Variants in SYT1 observed in about 807,000 individuals in gnomAD.
The protein encoded by SYT1 is synaptotagmin-1.
A neutral mutation model predicts 44.8 loss-of-function variants in SYT1; 8 were observed. The observed-to-expected ratio is 0.18, with a 90% CI of 0.10 to 0.32. The LOEUF (loss-of-function observed/expected upper bound fraction) is 0.32, where lower values mean the gene tolerates loss of function less well. SYT1 is among the 10% of genes least tolerant of loss of function. The pLI, the probability that SYT1 is intolerant of heterozygous loss-of-function variation, is 1.00. For synonymous variants in SYT1, 154 were observed against 188.8 expected, an observed-to-expected ratio of 0.82 and a Z score of 1.51; for missense variants, 286 against 509.3, an observed-to-expected ratio of 0.56 and a Z score of 4.22.
In SYT1 at chr12:78,950,151, G is replaced by A. The variant is rs193147154; in HGVS notation, c.-216-27648G>A. ...CAGACTTTTGGTAGTGCATGAATAT[G>A]TATTTTTGCATTAATGACATTTTCC... On this transcript the variant is annotated intron_variant, in intron 1 of 10. Transcript: ENST00000261205. Among the ~76,000 whole-genome samples the A allele has an allele frequency of 1.3e-3, 203 of 152,086 alleles. 2 individuals carry two copies. Among genetic ancestry groups the A allele is most frequent in the African/African-American group, 4.7e-3 (194 of 41,542 alleles).
intron 2 of SYT1, among the ~76,000 whole-genome samples, chr12:78,994,024 C>T (rs17046168): frequency 0.088 from 13,475 of 152,268 alleles, 766 homozygotes; most frequent in African/African-American, 0.15. Context: ...CCATTGCCTA[C>T]AAAGTGACCC....
intron 8 of SYT1, among the ~76,000 whole-genome samples, chr12:79,326,241 AGAGGCCTGT>A (rs1325004719): frequency 3.3e-5 from 5 of 152,356 alleles, no homozygotes; most frequent in Admixed American, 1.3e-4. Flanking sequence ...ATTCACTCAG[AGAGGCCTGT>A]GACAAGCTAT....
At chr12:79,242,519 A>C (rs1404078447) in intron 4 of SYT1, among the ~76,000 whole-genome samples, 1 of 152,208 alleles carries the variant, frequency 6.6e-6, no homozygotes. Flanking sequence ...GCACCTAGTA[A>C]TATACAGAAA....
chr12:79,359,619 A>G (rs1346454110), intron 9 of SYT1, among the ~76,000 whole-genome samples: 1 of 152,126 alleles, frequency 6.6e-6, no homozygotes, highest in Non-Finnish European at 1.5e-5. Flanking sequence ...CCATCACTAT[A>G]TGTCACACTG....
At chr12:78,985,593 C>T (rs867257489) in intron 2 of SYT1, among the ~76,000 whole-genome samples, 1 of 151,562 alleles carries the variant, frequency 6.6e-6, no homozygotes, top group South Asian at 2.1e-4. Context: ...TGTTAATGGG[C>T]ACATTCCAAG....
At chr12:79,318,836 A>G (rs887030129) in intron 8 of SYT1, among the ~76,000 whole-genome samples, 8 of 152,252 alleles carry the variant, frequency 5.3e-5, no homozygotes, top group African/African-American at 1.7e-4. Flanking sequence ...CTCAGTGTCA[A>G]AAAACAAAAA....
At chr12:79,131,457 A>G (rs1868816666) in intron 3 of SYT1, among the ~76,000 whole-genome samples, 1 of 152,146 alleles carries the variant, frequency 6.6e-6, no homozygotes, top group African/African-American at 2.4e-5. Flanking sequence ...AAAATATTAC[A>G]TATGGGAAGC....
At chr12:79,041,789 A>G (rs1251985041) in intron 2 of SYT1, among the ~76,000 whole-genome samples, 2 of 151,140 alleles carry the variant, frequency 1.3e-5, no homozygotes, top group African/African-American at 4.9e-5. Flanking sequence ...ATTATTTTGA[A>G]ATACGTCCCA....
chr12:79,135,052 T>C (rs1474068805), intron 3 of SYT1, among the ~76,000 whole-genome samples: 1 of 152,072 alleles, frequency 6.6e-6, no homozygotes, highest in Non-Finnish European at 1.5e-5. Flanking sequence ...GGTAATTATT[T>C]CACTATATAT....
chr12:78,920,000 A>G (rs1486737447), intron 1 of SYT1, among the ~76,000 whole-genome samples: 1 of 146,654 alleles, frequency 6.8e-6, no homozygotes, highest in Non-Finnish European at 1.5e-5. Flanking sequence ...TAGTAGCAAT[A>G]TATTGTAGAG....
At chr12:79,274,351 C>G (rs1878596491) in intron 4 of SYT1, among the ~76,000 whole-genome samples, 1 of 152,180 alleles carries the variant, frequency 6.6e-6, no homozygotes, top group Admixed American at 6.5e-5. Context: ...CTGGCAGTTA[C>G]AGCTTTCTTC....
chr12:79,440,759 G>A (rs181050796), intron 9 of SYT1, among the ~76,000 whole-genome samples: 1 of 152,134 alleles, frequency 6.6e-6, no homozygotes, highest in Non-Finnish European at 1.5e-5. Flanking sequence ...TTTTGTAGGA[G>A]AGGTAATCTT....
intron 4 of SYT1, among the ~76,000 whole-genome samples, chr12:79,258,323 GGAAA>G (rs1050391819): frequency 6.6e-6 from 1 of 152,140 alleles, no homozygotes; most frequent in African/African-American, 2.4e-5. Flanking sequence ...ACAGTTCAAA[GGAAA>G]GAGAGTACCA....
At chr12:79,194,690 CTTAAA>C (rs368431991) in intron 3 of SYT1, among the ~76,000 whole-genome samples, 2 of 152,148 alleles carry the variant, frequency 1.3e-5, no homozygotes, top group Non-Finnish European at 2.9e-5. Context: ...ATATATATAT[CTTAAA>C]TTAATTTGTG....
At chr12:79,179,008 A>ATATATC (rs1491226431) in intron 3 of SYT1, among the ~76,000 whole-genome samples, 423 of 16,988 alleles carry the variant, frequency 0.025, 86 homozygotes, top group African/African-American at 0.056. Context: ...ATAGATATAG[A>ATATATC]TATATAGATA....
At chr12:79,385,749 T>TG (rs71091663) in intron 9 of SYT1, among the ~76,000 whole-genome samples, 34 of 149,620 alleles carry the variant, frequency 2.3e-4, no homozygotes, top group Admixed American at 1.6e-3. Context: ...TTGTTGTTGT[T>TG]TTTTAATTCA....
chr12:79,104,266 T>C (rs1320359640), intron 3 of SYT1, among the ~76,000 whole-genome samples: 2 of 151,946 alleles, frequency 1.3e-5, no homozygotes, highest in Non-Finnish European at 2.9e-5. Context: ...GTGAAAACTG[T>C]AGAAAGTATA....
intron 1 of SYT1, among the ~76,000 whole-genome samples, chr12:78,913,316 C>T (rs148739789): frequency 1.3e-5 from 2 of 151,364 alleles, no homozygotes; most frequent in African/African-American, 4.8e-5. Flanking sequence ...GCAAAATACA[C>T]TCTTTTTGTC....
intron 4 of SYT1, among the ~76,000 whole-genome samples, chr12:79,248,315 A>G (rs920151113): frequency 6.6e-6 from 1 of 152,188 alleles, no homozygotes; most frequent in South Asian, 2.1e-4. Flanking sequence ...AATATATTAG[A>G]AAAAAACTAG....
Sources: gnomAD v4.1 joint callset for allele counts (sites outside exome capture counted in the v4.1 genomes callset) on GRCh38, gnomAD v4.1.1 for gene constraint, MANE v1.5 for transcripts, NCBI Gene and HGNC (gene_info 2026-07-23, HGNC 2026-07-21) for gene names.